EML6: variants seen among roughly 807,000 people sequenced by gnomAD.
The protein encoded by EML6 is echinoderm microtubule-associated protein-like 6.
A neutral mutation model predicts 240.1 loss-of-function variants in EML6; 154 were observed. The ratio of observed to expected loss-of-function variants is 0.64; its 90% confidence interval spans 0.56 to 0.73. The LOEUF (loss-of-function observed/expected upper bound fraction) is 0.73, where lower values mean the gene tolerates loss of function less well. Among genes scored for constraint, EML6 ranks in the 30% least tolerant of loss-of-function variants. EML6 has a pLI of 0.00. For missense variants in EML6, 2,964 were observed against 2,474.6 expected (o/e 1.20, Z -4.20); for synonymous variants, 1,148 against 899.0 (o/e 1.28, Z -4.95).
rs904290346 is a variant in EML6, at chr2:54,971,981, C to T, written c.*1886C>T. The T allele has an allele frequency of 1.1e-4, 17 of 152,184 alleles. No individual in the cohort carries two copies. The highest frequency in any genetic ancestry group is 1.1e-3 in the Admixed American group (17 of 15,278). 9.4% of individuals were successfully genotyped at this position (152,184 alleles called of 1,614,324 possible). On this transcript the variant is annotated 3_prime_UTR_variant, in exon 42 of 42. Transcript: ENST00000356458. ...TATTTTCAAAGTATAAAACACATCA[C>T]TTAAACATTTTATGTGTCAAATAAA...
chr2:54,821,253 T>C (rs915012944), intron 5 of EML6, among the ~76,000 whole-genome samples: 18 of 152,190 alleles, frequency 1.2e-4, no homozygotes, highest in African/African-American at 2.9e-4. Context: ...TGCAGTTCTT[T>C]TAGTCTAGTT....
At chr2:54,911,262 T>G (rs1673623306) in intron 25 of EML6, among the ~76,000 whole-genome samples, 2 of 152,240 alleles carry the variant, frequency 1.3e-5, no homozygotes, top group African/African-American at 4.8e-5. Flanking sequence ...GTGCTCTGCT[T>G]AATTTTTCTC....
chr2:54,797,167 A>AAAAAAAAAAAAAAAAAAAAAC (rs1669839317), intron 2 of EML6, among the ~76,000 whole-genome samples: 11 of 114,082 alleles, frequency 9.6e-5, no homozygotes, highest in South Asian at 3.1e-4. Context: ...TCCATCTCAA[A>AAAAAAAAAAAAAAAAAAAAAC]AAAAAAAAAA....
intron 29 of EML6, among the ~76,000 whole-genome samples, 171 bp downstream of exon 29, chr2:54,949,131 C>A (rs553114535): frequency 2.6e-5 from 4 of 152,232 alleles, no homozygotes; most frequent in African/African-American, 9.6e-5. Flanking sequence ...TCCCAGGGAC[C>A]AGAGTCGCAG....
intron 2 of EML6, among the ~76,000 whole-genome samples, chr2:54,756,837 C>G (rs943000891): frequency 6.6e-6 from 1 of 151,988 alleles, no homozygotes; most frequent in African/African-American, 2.4e-5. Context: ...CTACAAACTC[C>G]TGAGTCTCAG....
intron 2 of EML6, among the ~76,000 whole-genome samples, chr2:54,760,219 T>G (rs896037585): frequency 2.6e-5 from 4 of 151,764 alleles, no homozygotes; most frequent in Non-Finnish European, 4.4e-5. Context: ...TTTTTTTTTT[T>G]AATTTTAGAA....
chr2:54,929,545 G>T (rs1158251252), intron 28 of EML6, among the ~76,000 whole-genome samples: 2 of 152,168 alleles, frequency 1.3e-5, no homozygotes, highest in South Asian at 2.1e-4. Flanking sequence ...ATTGAGGTAG[G>T]CTCGATGTTG....
Position 54,844,081 on chromosome 2 carries a change from C to T in EML6, c.882C>T (p.Asp294=), listed in dbSNP as rs1246310730. The T allele has an allele frequency of 1.3e-6, 2 of 1,550,710 alleles. No individual in the cohort carries two copies. Among genetic ancestry groups the T allele is most frequent in the Admixed American group, 3.9e-5 (2 of 50,848 alleles). The change falls in exon 8 of 42, where the codon GAC becomes GAT. Residue 294 remains aspartate (D), a synonymous_variant. Transcript: ENST00000356458. ...LSIRSVCWKA[D]RLLAGTQDSE... is the part of the protein sequence containing the mutation. ...TCCGGAGCGTGTGCTGGAAAGCAGA[C>T]CGCCTTCTAGCAGGGACCCAGGACA... is the stretch of plus-strand genomic sequence containing the variant.
At chr2:54,924,692 G>C (rs1244826505) in intron 26 of EML6, among the ~76,000 whole-genome samples, 1 of 152,132 alleles carries the variant, frequency 6.6e-6, no homozygotes, top group African/African-American at 2.4e-5. Context: ...CTCCTGAATA[G>C]CTGGGATCAC....
At chr2:54,734,005 A>G (rs747053842) in intron 2 of EML6, among the ~76,000 whole-genome samples, 1 of 152,204 alleles carries the variant, frequency 6.6e-6, no homozygotes, top group African/African-American at 2.4e-5. Context: ...AGGACAAGAA[A>G]AGGTAAGTAA....
At chr2:54,906,689 T>C (rs1178381856) in intron 24 of EML6, among the ~76,000 whole-genome samples, 2 of 152,174 alleles carry the variant, frequency 1.3e-5, no homozygotes, top group African/African-American at 4.8e-5. Flanking sequence ...AATTACACCA[T>C]CTGGAGAATA....
In EML6 at chr2:54,971,316, C is replaced by T. The variant is rs1677000928; in HGVS notation, c.*1221C>T. On this transcript the variant is annotated 3_prime_UTR_variant, in exon 42 of 42. Transcript: ENST00000356458. ...AAGCCATCCGTAAGCCCCTCAGTCACACTTTCCATGTAGCTGACCAGTGAC... is the reference window on the plus strand; with the variant it reads ...AAGCCATCCGTAAGCCCCTCAGTCATACTTTCCATGTAGCTGACCAGTGAC... 1 of 152,226 alleles carries T rather than the reference C, an allele frequency of 6.6e-6. No homozygotes were observed. The highest frequency in any genetic ancestry group is 6.5e-5 in the Admixed American group (1 of 15,290). 9.4% of individuals were successfully genotyped at this position (152,226 alleles called of 1,614,324 possible).
intron 28 of EML6, among the ~76,000 whole-genome samples, chr2:54,948,603 C>T (rs971937411): frequency 3.3e-5 from 5 of 152,236 alleles, no homozygotes; most frequent in African/African-American, 1.2e-4. Context: ...TTCCTGCTCC[C>T]CCTGCTCCCA....
At position 54,827,489 on chromosome 2, in the gene EML6, C is replaced by T. The variant is rs1668652211; in HGVS notation, c.526-77C>T. 7 of 1,207,920 alleles carry T rather than the reference C, an allele frequency of 5.8e-6. No homozygotes were observed. In the South Asian group the frequency reaches 8.3e-5, roughly 14 times the overall value. 74.8% of individuals were successfully genotyped at this position (1,207,920 alleles called of 1,614,324 possible). On this transcript the variant is annotated intron_variant, in intron 5 of 41. Coordinates refer to ENST00000356458, the MANE Select transcript of EML6 (RefSeq NM_001039753.4). ...GATAGAGCACATTATGTGAAATGCACTGAAGTATAAATAAACACCAATGCA... is the reference window on the plus strand; with the variant it reads ...GATAGAGCACATTATGTGAAATGCATTGAAGTATAAATAAACACCAATGCA...
In EML6 at chr2:54,725,244, C is replaced by T. The variant is rs1255224654; in HGVS notation, c.183C>T (p.Asn61=). ...GCCAAAAATTCTTCCTGGGACACAACGACGACATTATCAGGTAAGGGGGTG... is the reference window on the plus strand; with the variant it reads ...GCCAAAAATTCTTCCTGGGACACAATGACGACATTATCAGGTAAGGGGGTG... ...EHSQKFFLGH[N]DDIISLALHP... Residue 61 remains asparagine (N), a synonymous_variant, in exon 2 of 42, where the codon AAC becomes AAT. Transcript: ENST00000356458. This position sits in a 1 kb window ranked among gnomAD's most constrained non-coding sequence, Gnocchi z 4.3. The T allele has an allele frequency of 6.8e-7, 1 of 1,479,026 alleles. No homozygotes were observed. The allele number at this position is 1,479,026 out of a possible 1,614,324, so 91.6% of individuals were successfully genotyped here.
chr2:54,865,032 C>A (rs971405187), intron 13 of EML6, among the ~76,000 whole-genome samples: 1 of 152,182 alleles, frequency 6.6e-6, no homozygotes, highest in African/African-American at 2.4e-5. Context: ...TGAACGTAGT[C>A]AATCTTGCCT....
intron 17 of EML6, among the ~76,000 whole-genome samples, chr2:54,885,617 C>CT (rs1490665510): frequency 2.9e-4 from 44 of 151,890 alleles, no homozygotes; most frequent in African/African-American, 1.0e-3. Context: ...TTTTGATTTT[C>CT]TTTTTTTCTT....
chr2:54,774,083 C>T lies in EML6; in HGVS notation c.198-39149C>T, dbSNP rs573459863. Among the ~76,000 whole-genome samples, 2 of 152,184 alleles carry T rather than the reference C, an allele frequency of 1.3e-5. No individual in the cohort carries two copies. Among genetic ancestry groups the T allele is most frequent in the Non-Finnish European group, 2.9e-5 (2 of 68,040 alleles). On this transcript the variant is annotated intron_variant, in intron 2 of 41. Coordinates refer to ENST00000356458, the MANE Select transcript of EML6 (RefSeq NM_001039753.4). The surrounding 1 kb of genome is among the most constrained non-coding windows in gnomAD (Gnocchi z 4.1). ...TTCCTGGAAGTTGCACACATGACTT[C>T]CATTTTCATCCCAGGGGCCAGAGCA...
chr2:54,961,756 A>C (rs1356592546), intron 35 of EML6, among the ~76,000 whole-genome samples: 1 of 151,722 alleles, frequency 6.6e-6, no homozygotes, highest in Non-Finnish European at 1.5e-5. Context: ...TAATCCCAGC[A>C]CTCTGGGAGG....
Sources: gnomAD v4.1 joint callset for allele counts (sites outside exome capture counted in the v4.1 genomes callset) on GRCh38, gnomAD v4.1.1 for gene constraint, Gnocchi (gnomAD v3.1) non-coding constraint, MANE v1.5 for transcripts, NCBI Gene and HGNC (gene_info 2026-07-23, HGNC 2026-07-21) for gene names.